CACHD1: variants seen among roughly 807,000 people sequenced by gnomAD.
CACHD1 encodes VWFA and cache domain-containing protein 1.
Under a neutral mutation model 138.7 loss-of-function variants are expected in CACHD1, and 71 were observed. The ratio of observed to expected loss-of-function variants is 0.51; its 90% confidence interval spans 0.42 to 0.62. The LOEUF (loss-of-function observed/expected upper bound fraction) is 0.62, where lower values mean the gene tolerates loss of function less well. Among genes scored for constraint, CACHD1 ranks in the 20% least tolerant of loss-of-function variants. The pLI, the probability that CACHD1 is intolerant of heterozygous loss-of-function variation, is 0.00. For synonymous variants in CACHD1, 578 were observed against 591.5 expected (o/e 0.98, Z 0.33); for missense variants, 1,389 against 1,625.3 (o/e 0.85, Z 2.50).
intron 4 of CACHD1, among the ~76,000 whole-genome samples, chr1:64,627,297 C>T (rs1648140139): frequency 6.6e-6 from 1 of 152,108 alleles, no homozygotes; most frequent in Admixed American, 6.6e-5. Context: ...GTCTTAGCTA[C>T]ACAGGAGACT....
At chr1:64,539,683 C>A (rs1294143338) in intron 1 of CACHD1, among the ~76,000 whole-genome samples, 1 of 152,148 alleles carries the variant, frequency 6.6e-6, no homozygotes, top group Non-Finnish European at 1.5e-5. Flanking sequence ...CCTGTTATAC[C>A]CTCTCTTGTA....
Position 64,545,576 on chromosome 1 carries a change from G to A in CACHD1, c.199-5018G>A, listed in dbSNP as rs114423598. ...CTCATCACTGAATATTCTGTTATGC[G>A]AATTCACCACAGTTTAATTTTCTAT... On this transcript the variant is annotated intron_variant, in intron 1 of 26. Transcript: ENST00000651257. 6.3e-3 allele frequency among the ~76,000 whole-genome samples: 957 copies of A among 152,264 alleles called. 13 individuals carry two copies. Among genetic ancestry groups the A allele is most frequent in the African/African-American group, 0.021 (881 of 41,558 alleles).
chr1:64,638,464 A>G (rs556904048), intron 7 of CACHD1, among the ~76,000 whole-genome samples: 32 of 152,342 alleles, frequency 2.1e-4, no homozygotes, highest in African/African-American at 7.0e-4. Context: ...CAGAAGGTCT[A>G]AAACTTTTGT....
chr1:64,602,130 A>G (rs903436361), intron 3 of CACHD1, among the ~76,000 whole-genome samples: 3 of 152,218 alleles, frequency 2.0e-5, no homozygotes, highest in Admixed American at 2.0e-4. Context: ...CTAGCATTAC[A>G]CTACCACTGG....
intron 1 of CACHD1, among the ~76,000 whole-genome samples, chr1:64,544,634 T>C (rs1485397929): frequency 6.6e-6 from 1 of 151,668 alleles, no homozygotes; most frequent in Non-Finnish European, 1.5e-5. Context: ...GTTTGTCTTT[T>C]TTTTTTTTCT....
chr1:64,505,599 C>T (rs1646367466), intron 1 of CACHD1, among the ~76,000 whole-genome samples: 1 of 136,084 alleles, frequency 7.3e-6, no homozygotes, highest in South Asian at 2.5e-4. Context: ...CTCCCCCTCC[C>T]TGGGCACACC....
rs530150304 is a variant in CACHD1 at position 64,488,420 on chromosome 1, T to C, written c.198+17478T>C. Among the ~76,000 whole-genome samples, 3 of 152,338 alleles carry C rather than the reference T, an allele frequency of 2.0e-5. No homozygotes were observed. The East Asian group carries it at 5.8e-4, about 29-fold the overall frequency. The stretch of plus-strand genomic sequence containing the variant: ...CTTGTTGAATTTTCATTTAGTGTTT[T>C]TTGCTCATAAATTATTGAAGTGAGA... On this transcript the variant is annotated intron_variant, in intron 1 of 26. Transcript: ENST00000651257.
chr1:64,532,184 A>G (rs886532772), intron 1 of CACHD1, among the ~76,000 whole-genome samples: 1 of 152,204 alleles, frequency 6.6e-6, no homozygotes, highest in Non-Finnish European at 1.5e-5. Context: ...AGTAGCAGAG[A>G]GAGACTCTTC....
chr1:64,624,813 G>A (rs571659315), intron 4 of CACHD1, among the ~76,000 whole-genome samples: 1 of 152,308 alleles, frequency 6.6e-6, no homozygotes, highest in African/African-American at 2.4e-5. Context: ...GTATGCATGA[G>A]GGACCTGGGG....
At chr1:64,656,516 C>A (rs144333103) in intron 12 of CACHD1, among the ~76,000 whole-genome samples, 2,155 of 152,200 alleles carry the variant, frequency 0.014, 27 homozygotes, top group Non-Finnish European at 0.02. Flanking sequence ...TCAGTTACAT[C>A]CTGGGAAAAT....
At chr1:64,555,627 A>G (rs1646791512) in intron 2 of CACHD1, among the ~76,000 whole-genome samples, 1 of 151,830 alleles carries the variant, frequency 6.6e-6, no homozygotes, top group African/African-American at 2.4e-5. Flanking sequence ...TGCCATGTTG[A>G]CTGGTCTGAT....
chr1:64,520,977 C>G (rs914334315), intron 1 of CACHD1, among the ~76,000 whole-genome samples: 1 of 152,186 alleles, frequency 6.6e-6, no homozygotes, highest in Non-Finnish European at 1.5e-5. Context: ...CCTATTGCTG[C>G]ATAACAACTT....
chr1:64,621,378 C>T (rs940467087), intron 4 of CACHD1, among the ~76,000 whole-genome samples: 6 of 152,056 alleles, frequency 3.9e-5, no homozygotes, highest in Non-Finnish European at 7.4e-5. Context: ...AGGATGCTCC[C>T]CTCTTCCCCT....
chr1:64,658,648 C>A, intron 12 of CACHD1, 57 bp from the exon 13 acceptor site: 1 of 1,364,174 alleles, frequency 7.3e-7, no homozygotes, highest in Non-Finnish European at 1.0e-6. Flanking sequence ...ATGCAAAGTC[C>A]CTGTCCCCAT....
intron 3 of CACHD1, among the ~76,000 whole-genome samples, chr1:64,596,760 A>C (rs1192299148): frequency 6.6e-6 from 1 of 152,210 alleles, no homozygotes; most frequent in East Asian, 1.9e-4. Flanking sequence ...GATTAAAAAC[A>C]AGCAAACAAG....
chr1:64,663,617 G>A, intron 13 of CACHD1, 78 bp from the exon 14 acceptor site: 1 of 1,541,634 alleles, frequency 6.5e-7, no homozygotes, highest in South Asian at 1.2e-5. Context: ...CAGATTGGCA[G>A]AGCCCGAGTG....
intron 1 of CACHD1, among the ~76,000 whole-genome samples, chr1:64,513,487 A>T (rs1646436959): frequency 6.6e-6 from 1 of 152,198 alleles, no homozygotes; most frequent in South Asian, 2.1e-4. Context: ...GGAGGAAGTA[A>T]TCATGTATAA....
intron 4 of CACHD1, among the ~76,000 whole-genome samples, chr1:64,615,194 C>G (rs1647669637): frequency 6.6e-6 from 1 of 152,202 alleles, no homozygotes; most frequent in Non-Finnish European, 1.5e-5. Flanking sequence ...ATCCAGCTTC[C>G]TTGTCACCTC....
intron 1 of CACHD1, among the ~76,000 whole-genome samples, chr1:64,516,740 C>A (rs1348457051): frequency 6.6e-6 from 1 of 152,172 alleles, no homozygotes; most frequent in Non-Finnish European, 1.5e-5. Flanking sequence ...ATTGTTCTTT[C>A]TACTATACCA....
Sources: allele counts gnomAD v4.1 joint callset (sites outside exome capture counted in the v4.1 genomes callset), GRCh38; gene constraint gnomAD v4.1.1; transcripts MANE v1.5; gene names NCBI Gene and HGNC (gene_info 2026-07-23, HGNC 2026-07-21).